The following PARD3B variants were observed in gnomAD, a reference collection of about 807,000 sequenced individuals.
PARD3B encodes par-3 family cell polarity regulator beta.
PARD3B carries 103 observed loss-of-function variants against 130.2 expected under a neutral mutation model. The ratio of observed to expected loss-of-function variants is 0.79; its 90% CI spans 0.67 to 0.93. The LOEUF (loss-of-function observed/expected upper bound fraction) is 0.93, where lower values mean the gene tolerates loss of function less well. Ranked by LOEUF, PARD3B falls within the 40% of genes least tolerant of loss-of-function variation. PARD3B has a pLI of 0.00. For missense variants in PARD3B, 1,609 were observed against 1,499.2 expected, an observed-to-expected ratio of 1.07 and a Z score of -1.21; for synonymous variants, 583 against 553.2, an observed-to-expected ratio of 1.05 and a Z score of -0.76.
At chr2:205,477,281 A>G (rs867081651) in intron 20 of PARD3B, among the ~76,000 whole-genome samples, 2 of 152,318 alleles carry the variant, frequency 1.3e-5, no homozygotes, top group African/African-American at 4.8e-5. Context: ...GTATATTTTT[A>G]CAGCAACTCT....
In PARD3B at chr2:205,281,792, T is replaced by A. The variant is rs1197854719; in HGVS notation, c.2186-18738T>A. On this transcript the variant is annotated intron_variant, in intron 16 of 22. Coordinates refer to ENST00000406610, the MANE Select transcript of PARD3B (RefSeq NM_001302769.2). This position sits in a 1 kb window ranked among gnomAD's most constrained non-coding sequence, Gnocchi z 4.2. ...AGGTTGTCTACATTAAAAGTACCTG[T>A]TTTTCCATAAAAAAGAGGAAGAAAA... 6.6e-6 allele frequency among the ~76,000 whole-genome samples: 1 copy of A among 152,116 alleles called. No homozygotes were observed. The highest frequency in any genetic ancestry group is 2.1e-4 in the South Asian group (1 of 4,830).
chr2:204,678,531 G>A lies in PARD3B; in HGVS notation c.121-7650G>A, dbSNP rs1198588309. Among the ~76,000 whole-genome samples the A allele has an allele frequency of 6.6e-6, 1 of 152,142 alleles. No individual in the cohort carries two copies. Among genetic ancestry groups the A allele is most frequent in the Admixed American group, 6.5e-5 (1 of 15,286 alleles). On this transcript the variant is annotated intron_variant, in intron 1 of 22. Transcript: ENST00000406610. The surrounding 1 kb of genome is among the most constrained non-coding windows in gnomAD (Gnocchi z 4.2). ...GAAAAGGAGCTAGAGCGGGGATGGTGCGGGAAGAAAGTAGTCTTTCCTTGA... is the reference window on the plus strand; with the variant it reads ...GAAAAGGAGCTAGAGCGGGGATGGTACGGGAAGAAAGTAGTCTTTCCTTGA...
rs1306424443 is a variant in PARD3B, at chr2:205,530,287, C to A, written c.3181-23037C>A. 6.6e-6 allele frequency among the ~76,000 whole-genome samples: 1 copy of A among 152,110 alleles called. No individual in the cohort carries two copies. Among genetic ancestry groups the A allele is most frequent in the African/African-American group, 2.4e-5 (1 of 41,400 alleles). Reference sequence around the variant, plus strand: ...CCTGTCTTTTGCTACCCACTACCACCCACAACAGGGTTAAACAAGACTTGA... The same window carrying A: ...CCTGTCTTTTGCTACCCACTACCACACACAACAGGGTTAAACAAGACTTGA... On this transcript the variant is annotated intron_variant, in intron 21 of 22. Transcript: ENST00000406610. The surrounding 1 kb of genome is among the most constrained non-coding windows in gnomAD (Gnocchi z 4.7).
chr2:205,322,889 C>CTTTTTTTTTTTTTTTTTTTTTTTTTTTT (rs71032461), intron 18 of PARD3B, among the ~76,000 whole-genome samples: 1 of 51,468 alleles, frequency 1.9e-5, no homozygotes, highest in African/African-American at 6.5e-5. Context: ...ATTAACACCT[C>CTTTTTTTTTTTTTTTTTTTTTTTTTTTT]TTTTTTTTTT....
chr2:204,625,787 T>C (rs1213034847), intron 1 of PARD3B, among the ~76,000 whole-genome samples: 1 of 152,220 alleles, frequency 6.6e-6, no homozygotes, highest in East Asian at 1.9e-4. Context: ...CATTTCATAA[T>C]ATTCCACATA....
At chr2:205,416,338 C>A (rs968195004) in intron 19 of PARD3B, among the ~76,000 whole-genome samples, 3 of 152,058 alleles carry the variant, frequency 2.0e-5, no homozygotes, top group South Asian at 4.2e-4. Flanking sequence ...GATAACCATT[C>A]CTTAATGAAT....
At chr2:205,186,008 G>C (rs575878777) in intron 14 of PARD3B, 145 bp downstream of exon 14, 8 of 676,514 alleles carry the variant, frequency 1.2e-5, no homozygotes, top group Non-Finnish European at 2.5e-6. Flanking sequence ...TCCAGCGAAA[G>C]CTTCAGTGAA....
intron 10 of PARD3B, among the ~76,000 whole-genome samples, chr2:205,152,901 C>T (rs2033859660): frequency 6.6e-6 from 1 of 152,148 alleles, no homozygotes; most frequent in Non-Finnish European, 1.5e-5. Flanking sequence ...GTTTTATCTA[C>T]CTTTGGTCTT....
chr2:204,882,794 G>A (rs1337678011), intron 2 of PARD3B, among the ~76,000 whole-genome samples: 1 of 152,112 alleles, frequency 6.6e-6, no homozygotes, highest in African/African-American at 2.4e-5. Flanking sequence ...GAGAGGTCAG[G>A]TGATTATGAA....
Position 205,128,798 on chromosome 2 carries a change from A to T in PARD3B, c.1434+3061A>T, listed in dbSNP as rs1400082448. The stretch of plus-strand genomic sequence containing the variant: ...TGGGACTAACCACTATTTTTGAACA[A>T]TGATTGTTTTATTTTTTTATTATTT... On this transcript the variant is annotated intron_variant, in intron 10 of 22. Transcript: ENST00000406610. The surrounding 1 kb of genome is among the most constrained non-coding windows in gnomAD (Gnocchi z 4.5). 6.6e-6 allele frequency among the ~76,000 whole-genome samples: 1 copy of T among 152,166 alleles called. No homozygotes were observed. Among genetic ancestry groups the T allele is most frequent in the Non-Finnish European group, 1.5e-5 (1 of 68,018 alleles).
At chr2:204,828,080 C>T (rs1307135396) in intron 2 of PARD3B, among the ~76,000 whole-genome samples, 1 of 151,818 alleles carries the variant, frequency 6.6e-6, no homozygotes, top group Non-Finnish European at 1.5e-5. Context: ...TGCATCTGAA[C>T]TACAAAGGAA....
intron 4 of PARD3B, among the ~76,000 whole-genome samples, chr2:205,099,216 G>T (rs189404581): frequency 1.3e-5 from 2 of 152,074 alleles, no homozygotes; most frequent in Non-Finnish European, 2.9e-5. Flanking sequence ...AAAAATAGAA[G>T]CTGTAAGAAT....
intron 2 of PARD3B, among the ~76,000 whole-genome samples, chr2:204,822,198 C>T (rs1200027278): frequency 6.6e-6 from 1 of 152,140 alleles, no homozygotes; most frequent in African/African-American, 2.4e-5. Context: ...TTGAGAGGTT[C>T]AAGACTTCAG....
rs561846406 is a variant in PARD3B, at chr2:205,203,226, T to C, written c.2140+9906T>C. ...TGACCTCTGTGTACTTAGAACATTG[T>C]CTGTGCTCTGATTAGAAATTTTGGT... On this transcript the variant is annotated intron_variant, in intron 15 of 22. Transcript: ENST00000406610. Among the ~76,000 whole-genome samples, 29 of 152,250 alleles carry C rather than the reference T, an allele frequency of 1.9e-4. No individual in the cohort carries two copies. The South Asian group carries it at 3.3e-3, about 17-fold the overall frequency.
intron 11 of PARD3B, among the ~76,000 whole-genome samples, chr2:205,167,021 C>T (rs1271771540): frequency 6.6e-6 from 1 of 152,216 alleles, no homozygotes; most frequent in Non-Finnish European, 1.5e-5. Flanking sequence ...ATGCTTCTCT[C>T]ATATTCTTCA....
Position 204,938,847 on chromosome 2 carries a change from T to A in PARD3B, c.223-26305T>A, listed in dbSNP as rs1048971125. On this transcript the variant is annotated intron_variant, in intron 2 of 22. Transcript: ENST00000406610. ...TGACCAGTGTATACCCGTAGCCCAG[T>A]GTAGTGCCTTGGAGACCAAAGAGCT... Among the ~76,000 whole-genome samples, 28 of 152,124 alleles carry A rather than the reference T, an allele frequency of 1.8e-4. 1 individual carries two copies. The highest frequency in any genetic ancestry group is 1.5e-5 in the Non-Finnish European group (1 of 68,026).
chr2:205,418,263 T>C (rs2046848822), intron 19 of PARD3B, among the ~76,000 whole-genome samples: 1 of 152,186 alleles, frequency 6.6e-6, no homozygotes, highest in South Asian at 2.1e-4. Flanking sequence ...CTTAGAGGAT[T>C]TGGGTAGATA....
rs1185703672 is a variant in PARD3B, at chr2:205,183,267, CT to C, written c.1925-2494del. On this transcript the variant is annotated intron_variant, in intron 13 of 22. Transcript: ENST00000406610. This position sits in a 1 kb window ranked among gnomAD's most constrained non-coding sequence, Gnocchi z 5.2. The stretch of plus-strand genomic sequence containing the variant: ...AAAGTTGTTTGCCAGGATCATAGAC[CT>C]TTATTCCGTAGGCAATGTGTGCAGC... 6.6e-6 allele frequency among the ~76,000 whole-genome samples: 1 copy of C among 152,078 alleles called. No homozygotes were observed. Among genetic ancestry groups the C allele is most frequent in the Admixed American group, 6.6e-5 (1 of 15,264 alleles).
intron 22 of PARD3B, among the ~76,000 whole-genome samples, chr2:205,555,984 T>A (rs1423974693): frequency 2.0e-5 from 3 of 152,198 alleles, no homozygotes; most frequent in East Asian, 3.9e-4. Flanking sequence ...GGTATGCAGA[T>A]GCTGCTCTGA....
Sources: allele counts gnomAD v4.1 joint callset (sites outside exome capture counted in the v4.1 genomes callset), GRCh38; gene constraint gnomAD v4.1.1; non-coding constraint Gnocchi (gnomAD v3.1); transcripts MANE v1.5; gene names NCBI Gene and HGNC (gene_info 2026-07-23, HGNC 2026-07-21).